KIAA1217: variants seen among roughly 807,000 people sequenced by gnomAD.
The protein encoded by KIAA1217 is sickle tail protein homolog.
Under a neutral mutation model 163.9 loss-of-function variants are expected in KIAA1217, and 88 were observed. The ratio of observed to expected loss-of-function variants is 0.54; its 90% CI spans 0.45 to 0.64. The LOEUF is 0.64. KIAA1217 is among the 30% of genes least tolerant of loss of function. KIAA1217 has a pLI of 0.00. For synonymous variants in KIAA1217, 903 were observed against 923.1 expected, an observed-to-expected ratio of 0.98 and a Z score of 0.39; for missense variants, 2,372 against 2,475.0, an observed-to-expected ratio of 0.96 and a Z score of 0.88.
intron 1 of KIAA1217, among the ~76,000 whole-genome samples, chr10:23,894,915 T>C (rs989550570): frequency 2.6e-5 from 4 of 152,026 alleles, no homozygotes; most frequent in African/African-American, 9.7e-5. Flanking sequence ...TAATAAATGG[T>C]GCTGGGAAAA....
rs1472172298 is a variant in KIAA1217, at chr10:24,533,089, G to A, written c.3266G>A (p.Gly1089Glu). 2 of 1,612,182 alleles carry A rather than the reference G, an allele frequency of 1.2e-6. No homozygotes were observed. The highest frequency in any genetic ancestry group is 1.7e-6 in the Non-Finnish European group (2 of 1,178,938). The change falls in exon 16 of 21, where the codon GGA (glycine) becomes GAA (glutamate). Residue 1089 changes from glycine to glutamate, a missense_variant. By Grantham distance (98) the Gly-to-Glu change is moderately conservative. Transcript: ENST00000376454. ...CCACAGGCAAGCAGTGAAGATGCTG[G>A]ACCAAGCCCACAGACCAGAGCTACA... ...ITAKASSEDA[G>E]PSPQTRATKY...
chr10:23,877,979 C>T (rs1436171336), intron 1 of KIAA1217, among the ~76,000 whole-genome samples: 1 of 151,920 alleles, frequency 6.6e-6, no homozygotes. Flanking sequence ...GCCCGGGGCA[C>T]ACAGTTCAGC....
At chr10:23,898,245 T>C (rs907197835) in intron 1 of KIAA1217, among the ~76,000 whole-genome samples, 2 of 151,938 alleles carry the variant, frequency 1.3e-5, no homozygotes, top group Non-Finnish European at 2.9e-5. Context: ...TCAATTCTGA[T>C]ATTCAGACCA....
At chr10:23,995,227 A>G (rs1038527409) in intron 1 of KIAA1217, among the ~76,000 whole-genome samples, 11 of 152,168 alleles carry the variant, frequency 7.2e-5, no homozygotes, top group African/African-American at 2.7e-4. Flanking sequence ...ACAAAATAAC[A>G]GAAGACCAAG....
chr10:23,815,397 C>A (rs1449314276), intron 1 of KIAA1217, among the ~76,000 whole-genome samples: 1 of 152,176 alleles, frequency 6.6e-6, no homozygotes, highest in Non-Finnish European at 1.5e-5. Flanking sequence ...GTAATCCCAG[C>A]ACTTTGGGAG....
chr10:24,372,226 A>G lies in KIAA1217; in HGVS notation c.355-8643A>G, dbSNP rs186507456. Among the ~76,000 whole-genome samples the G allele has an allele frequency of 3.9e-5, 6 of 152,334 alleles. No homozygotes were observed. The East Asian group carries it at 1.2e-3, about 29-fold the overall frequency. ...CGGGTGCTGCAGCCAAGGAGACAGA[A>G]GCTCAGTCTCAACTCCATCTCCTTG... On this transcript the variant is annotated intron_variant, in intron 2 of 20. Transcript: ENST00000376454.
At chr10:24,228,116 A>G (rs907237886) in intron 2 of KIAA1217, among the ~76,000 whole-genome samples, 5 of 151,988 alleles carry the variant, frequency 3.3e-5, no homozygotes, top group Non-Finnish European at 2.9e-5. Flanking sequence ...CTCTACAAAA[A>G]ATACAAAAAT....
intron 1 of KIAA1217, among the ~76,000 whole-genome samples, chr10:23,830,079 A>C (rs1454956826): frequency 6.6e-6 from 1 of 152,204 alleles, no homozygotes; most frequent in East Asian, 1.9e-4. Context: ...TGTTACTGGA[A>C]AGCTAATCAG....
At chr10:24,460,631 C>T (rs1042958633) in intron 5 of KIAA1217, among the ~76,000 whole-genome samples, 2 of 152,148 alleles carry the variant, frequency 1.3e-5, no homozygotes, top group Non-Finnish European at 2.9e-5. Context: ...ACAACTAAAA[C>T]ACCTTTCATC....
chr10:24,316,599 T>C (rs949004038), intron 2 of KIAA1217, among the ~76,000 whole-genome samples: 2 of 152,140 alleles, frequency 1.3e-5, no homozygotes, highest in South Asian at 2.1e-4. Context: ...CGAAAATGGT[T>C]GTAGAATGTG....
intron 2 of KIAA1217, among the ~76,000 whole-genome samples, chr10:24,203,184 CAA>C (rs5783879): frequency 0.033 from 4,350 of 132,190 alleles, 195 homozygotes; most frequent in African/African-American, 0.11. Context: ...AAAAACTTGT[CAA>C]AAAAAAAAAA....
chr10:24,438,458 A>C lies in KIAA1217; in HGVS notation c.825A>C (p.Lys275Asn). 6.2e-7 allele frequency: 1 copy of C among 1,610,884 alleles called. No homozygotes were observed. The highest frequency in any genetic ancestry group is 8.5e-7 in the Non-Finnish European group (1 of 1,177,024). The change falls in exon 5 of 21, where the codon AAA becomes AAC. Residue 275 changes from lysine (K) to asparagine (N), a missense_variant. Physicochemically the swap from Lys to Asn is moderately conservative, Grantham distance 94 (BLOSUM62 0). Coordinates refer to ENST00000376454, the MANE Select transcript of KIAA1217 (RefSeq NM_019590.5). ...CACATGCGTTTAATCACACACCAAA[A>C]ACTATGAATGGAGACATGAGGGTAA... The part of the protein sequence containing the change: ...DPAHAFNHTP[K>N]TMNGDMRMQR...
intron 2 of KIAA1217, among the ~76,000 whole-genome samples, chr10:24,375,254 T>G (rs1298153967): frequency 6.6e-6 from 1 of 152,062 alleles, no homozygotes; most frequent in African/African-American, 2.4e-5. Flanking sequence ...CCGATGGAGC[T>G]CCCTGTCTTC....
chr10:23,738,614 A>ATTTTT (rs1838937710), intron 1 of KIAA1217, among the ~76,000 whole-genome samples: 3 of 139,118 alleles, frequency 2.2e-5, no homozygotes, highest in Non-Finnish European at 4.7e-5. Context: ...ATCTTTAGAA[A>ATTTTT]TGTTTTTTTT....
intron 1 of KIAA1217, among the ~76,000 whole-genome samples, chr10:23,854,409 T>C (rs1051283350): frequency 6.6e-6 from 1 of 152,192 alleles, no homozygotes; most frequent in Non-Finnish European, 1.5e-5. Context: ...TCTTTTACAT[T>C]TTCTGAGGAG....
rs545644879 is a variant in KIAA1217, at chr10:24,078,003, T to C, written c.-171+70629T>C. Among the ~76,000 whole-genome samples the C allele has an allele frequency of 4.3e-4, 65 of 152,352 alleles. 1 individual carries two copies. In the South Asian group the frequency reaches 0.011, roughly 26 times the overall value. On this transcript the variant is annotated intron_variant, in intron 2 of 18. Coordinates refer to the KIAA1217 transcript ENST00000376462. ...CATAAATGTCTTCTTTTGAGAAATG[T>C]CTGTCCATGTCCTTTGCCTACTTTT... is the stretch of plus-strand genomic sequence containing the variant.
chr10:24,256,928 G>T (rs192851104), intron 2 of KIAA1217, among the ~76,000 whole-genome samples: 264 of 152,346 alleles, frequency 1.7e-3, no homozygotes, highest in African/African-American at 6.1e-3. Context: ...ACAGCTGCTA[G>T]CCATTTATAT....
intron 2 of KIAA1217, among the ~76,000 whole-genome samples, chr10:24,164,476 C>T (rs956523095): frequency 6.6e-6 from 1 of 152,146 alleles, no homozygotes; most frequent in Non-Finnish European, 1.5e-5. Context: ...AGAGAGGTAA[C>T]CCCATCTATC....
intron 2 of KIAA1217, among the ~76,000 whole-genome samples, chr10:24,339,439 T>C (rs1417593486): frequency 6.6e-6 from 1 of 152,256 alleles, no homozygotes; most frequent in African/African-American, 2.4e-5. Flanking sequence ...AAGAATTTAC[T>C]TTCTTAGTAT....
Sources: allele counts gnomAD v4.1 joint callset (sites outside exome capture counted in the v4.1 genomes callset), GRCh38; gene constraint gnomAD v4.1.1; transcripts MANE v1.5; gene names NCBI Gene and HGNC (gene_info 2026-07-23, HGNC 2026-07-21).